Variants in EYA3 observed in about 807,000 individuals in gnomAD.
The protein encoded by EYA3 is protein phosphatase EYA3.
A neutral mutation model predicts 80.0 loss-of-function variants in EYA3; 39 were observed. The observed-to-expected ratio is 0.49, with a 90% CI of 0.38 to 0.64. EYA3 has a LOEUF of 0.64. EYA3 is among the 30% of genes least tolerant of loss of function. The pLI, the probability that EYA3 is intolerant of heterozygous loss-of-function variation, is 0.00. For missense variants in EYA3, 523 were observed against 676.1 expected (o/e 0.77, Z 2.51); for synonymous variants, 206 against 232.8 (o/e 0.88, Z 1.05).
At position 28,013,695 on chromosome 1, in the gene EYA3, AG is replaced by A. The variant is rs1337036057; in HGVS notation, c.586-402del. Among the ~76,000 whole-genome samples, 5 of 152,222 alleles carry A rather than the reference AG, an allele frequency of 3.3e-5. No homozygotes were observed. The highest frequency in any genetic ancestry group is 9.6e-5 in the African/African-American group (4 of 41,456). ...GTTGCACTAGATAATAGCACTTCTA[AG>A]GACAACAAAACAAAACTTAAACTTA... On this transcript the variant is annotated intron_variant, in intron 8 of 17. Coordinates refer to ENST00000373871, the MANE Select transcript of EYA3 (RefSeq NM_001990.4). The surrounding 1 kb of genome is among the most constrained non-coding windows in gnomAD (Gnocchi z 4.0).
chr1:28,053,880 C>G (rs558693547), intron 2 of EYA3, among the ~76,000 whole-genome samples: 11 of 152,286 alleles, frequency 7.2e-5, no homozygotes, highest in African/African-American at 2.4e-4. Context: ...AAATGTCATT[C>G]TGAAATTACT....
intron 16 of EYA3, among the ~76,000 whole-genome samples, chr1:27,982,776 G>C (rs1374999446): frequency 5.9e-5 from 9 of 152,012 alleles, no homozygotes; most frequent in Non-Finnish European, 1.2e-4. Context: ...TGCAGAGATG[G>C]GGTTTCACCA....
chr1:28,086,316 C>A (rs1557661839), intron 1 of EYA3, among the ~76,000 whole-genome samples: 1 of 151,964 alleles, frequency 6.6e-6, no homozygotes, highest in Non-Finnish European at 1.5e-5. Flanking sequence ...TGGGCTCAAG[C>A]AATCCTCCAA....
chr1:28,045,863 T>C lies in EYA3; in HGVS notation c.77+2520A>G, dbSNP rs569118242. Among the ~76,000 whole-genome samples the C allele has an allele frequency of 3.3e-5, 5 of 152,206 alleles. No individual in the cohort carries two copies. In the South Asian group the frequency reaches 1.0e-3, roughly 32 times the overall value. ...CCTCCTTCTCATTCAACAGAACTAT[T>C]AACAACACAAACAACAGATGAATGG... is the stretch of plus-strand genomic sequence containing the variant. On this transcript the variant is annotated intron_variant, in intron 3 of 17. Coordinates refer to ENST00000373871, the MANE Select transcript of EYA3 (RefSeq NM_001990.4).
intron 1 of EYA3, among the ~76,000 whole-genome samples, chr1:28,066,001 T>C (rs1644824682): frequency 6.6e-6 from 1 of 150,878 alleles, no homozygotes; most frequent in East Asian, 1.9e-4. Context: ...AGTGAAACTC[T>C]GTCTCAAAAA....
chr1:27,978,585 GC>G (rs1639099098), intron 16 of EYA3, 111 bp from the exon 17 acceptor site: 2 of 786,618 alleles, frequency 2.5e-6, no homozygotes, highest in South Asian at 3.3e-5. Context: ...CTAAGTGACA[GC>G]CCATGTAGTT....
At position 27,974,236 on chromosome 1, in the gene EYA3, C is replaced by T. The variant is rs911743488; in HGVS notation, c.*230G>A. On this transcript the variant is annotated 3_prime_UTR_variant, in exon 18 of 18. Transcript: ENST00000373871. ...CAGCTGTTGGTTCTGATTGTGTTCTCGCCAGCATTCCATGGATAAAGACAG... is the reference window on the plus strand; with the variant it reads ...CAGCTGTTGGTTCTGATTGTGTTCTTGCCAGCATTCCATGGATAAAGACAG... 20 of 338,526 alleles carry T rather than the reference C, an allele frequency of 5.9e-5. No homozygotes were observed. The highest frequency in any genetic ancestry group is 2.1e-4 in the African/African-American group (10 of 48,022). The allele number at this position is 338,526 out of a possible 1,614,324, so 21.0% of individuals were successfully genotyped here. A position where few individuals can be genotyped will look rare whatever the true frequency, so the allele number is the denominator to read the frequency against.
At chr1:28,059,550 T>C (rs1377872805) in intron 1 of EYA3, among the ~76,000 whole-genome samples, 2 of 152,208 alleles carry the variant, frequency 1.3e-5, no homozygotes, top group African/African-American at 4.8e-5. Context: ...TACTAGTTTA[T>C]GTCTTAGTTT....
intron 2 of EYA3, among the ~76,000 whole-genome samples, chr1:28,048,786 T>C (rs1644130242): frequency 6.6e-6 from 1 of 152,220 alleles, no homozygotes; most frequent in South Asian, 2.1e-4. Flanking sequence ...GGAATCTAAG[T>C]ATCATCTACT....
rs1034431913 is a variant in EYA3, at chr1:27,998,293, A to G, written c.1084-915T>C. ...GTTGAGAAGCACTGACCTGGGGGGCAGGAACACATTCAGGTCAAATTCTTC... is the reference window on the plus strand; with the variant it reads ...GTTGAGAAGCACTGACCTGGGGGGCGGGAACACATTCAGGTCAAATTCTTC... On this transcript the variant is annotated intron_variant, in intron 12 of 17. Transcript: ENST00000373871. 4.1e-6 allele frequency: 4 copies of G among 985,170 alleles called. No individual in the cohort carries two copies. In the African/African-American group the frequency reaches 7.0e-5, roughly 17 times the overall value. The allele number at this position is 985,170 out of a possible 1,614,324, so 61.0% of individuals were successfully genotyped here. A position where few individuals can be genotyped will look rare whatever the true frequency, so the allele number is the denominator to read the frequency against.
At chr1:28,057,261 T>C (rs901053512) in intron 2 of EYA3, among the ~76,000 whole-genome samples, 1 of 152,264 alleles carries the variant, frequency 6.6e-6, no homozygotes, top group African/African-American at 2.4e-5. Flanking sequence ...CAAATTTTTA[T>C]AGGTTAGATT....
At chr1:28,075,306 A>G (rs559003543) in intron 1 of EYA3, among the ~76,000 whole-genome samples, 1 of 152,324 alleles carries the variant, frequency 6.6e-6, no homozygotes, top group Non-Finnish European at 1.5e-5. Context: ...CTTCTTGGTT[A>G]GCCTATTATT....
intron 13 of EYA3, 139 bp from the exon 14 acceptor site, chr1:27,993,699 A>G: frequency 1.6e-6 from 1 of 611,640 alleles, no homozygotes; most frequent in Non-Finnish European, 2.6e-6. Context: ...TCTGTATGTC[A>G]GAGTCTATCT....
At chr1:28,025,363 T>C (rs1057032302) in intron 7 of EYA3, among the ~76,000 whole-genome samples, 3 of 152,190 alleles carry the variant, frequency 2.0e-5, no homozygotes, top group African/African-American at 7.2e-5. Flanking sequence ...TTCTCAATTA[T>C]GGGAGAGTTG....
chr1:28,068,421 A>G (rs1184376535), intron 1 of EYA3, among the ~76,000 whole-genome samples: 1 of 151,912 alleles, frequency 6.6e-6, no homozygotes, highest in African/African-American at 2.4e-5. Context: ...CCTATGTTAC[A>G]TTACTTTGAT....
intron 1 of EYA3, among the ~76,000 whole-genome samples, chr1:28,087,954 C>T (rs1557663433): frequency 6.6e-6 from 1 of 152,178 alleles, no homozygotes; most frequent in Non-Finnish European, 1.5e-5. Flanking sequence ...CTTCCCATTT[C>T]GGGGCTTTGG....
chr1:28,069,193 C>T (rs554906401), intron 1 of EYA3, among the ~76,000 whole-genome samples: 2 of 152,118 alleles, frequency 1.3e-5, no homozygotes, highest in South Asian at 4.2e-4. Flanking sequence ...TCACTGCAAC[C>T]TCCACCTCCT....
At chr1:28,020,851 G>A (rs1035436371) in intron 7 of EYA3, among the ~76,000 whole-genome samples, 29 of 152,156 alleles carry the variant, frequency 1.9e-4, no homozygotes, top group African/African-American at 6.8e-4. Context: ...AAGGCTGCTA[G>A]CTCTCCAAAT....
intron 1 of EYA3, among the ~76,000 whole-genome samples, chr1:28,063,915 G>T (rs1644733676): frequency 6.6e-6 from 1 of 151,756 alleles, no homozygotes; most frequent in Admixed American, 6.6e-5. Flanking sequence ...GTCCAACTTT[G>T]GGGGGGAAGG....
Sources: gnomAD v4.1 joint callset for allele counts (sites outside exome capture counted in the v4.1 genomes callset) on GRCh38, gnomAD v4.1.1 for gene constraint, Gnocchi (gnomAD v3.1) non-coding constraint, MANE v1.5 for transcripts, NCBI Gene and HGNC (gene_info 2026-07-23, HGNC 2026-07-21) for gene names.